Variants in DNAJC8 observed in about 807,000 individuals in gnomAD.
DNAJC8 encodes the protein dnaJ homolog subfamily C member 8.
DNAJC8 carries 24 observed loss-of-function variants against 43.2 expected under a neutral mutation model. That is an observed-to-expected ratio of 0.56 (90% CI 0.40 to 0.78). The LOEUF (loss-of-function observed/expected upper bound fraction) is 0.78, where lower values mean the gene tolerates loss of function less well. Ranked by LOEUF, DNAJC8 falls within the 30% of genes least tolerant of loss-of-function variation. The probability of loss-of-function intolerance (pLI) is 0.00; values close to 1 mark genes in which losing one functional copy is unlikely to be tolerated. For synonymous variants in DNAJC8, 83 were observed against 98.0 expected, an observed-to-expected ratio of 0.85 and a Z score of 0.90; for missense variants, 207 against 299.4, an observed-to-expected ratio of 0.69 and a Z score of 2.28.
chr1:28,208,155 G>A lies in DNAJC8; in HGVS notation c.471+187C>T, dbSNP rs184344291. 5.3e-5 allele frequency among the ~76,000 whole-genome samples: 8 copies of A among 152,260 alleles called. No individual in the cohort carries two copies. In the East Asian group the frequency reaches 1.4e-3, roughly 26 times the overall value. ...CAGGAGGCAGAGGTTGCAGTGAGCC[G>A]AGATCGCGCCATTGCCCTCCAGCCT... On this transcript the variant is annotated intron_variant, in intron 6 of 8. Transcript: ENST00000263697.
In DNAJC8 at chr1:28,208,421, G is replaced by T. The variant is rs192643083; in HGVS notation, c.400-8C>A. On this transcript the variant is annotated splice_region_variant and splice_polypyrimidine_tract_variant and intron_variant, in intron 5 of 8. Coordinates refer to ENST00000263697, the MANE Select transcript of DNAJC8 (RefSeq NM_014280.3). ...TTTTTTTCGCTCTTTCACCTAAAAA[G>T]AATTTTTTTTCATCAAAAGACGAGC... 2.4e-4 allele frequency: 376 copies of T among 1,593,216 alleles called. No individual in the cohort carries two copies. Among genetic ancestry groups the T allele is most frequent in the Non-Finnish European group, 1.3e-4 (156 of 1,166,666 alleles).
chr1:28,224,583 T>TACAAA (rs1355753974), intron 2 of DNAJC8, among the ~76,000 whole-genome samples: 7 of 150,002 alleles, frequency 4.7e-5, no homozygotes, highest in African/African-American at 1.7e-4. Context: ...GACCCCATCT[T>TACAAA]ACAAAACAAA....
At chr1:28,232,361 G>C (rs1222196687) in intron 1 of DNAJC8, among the ~76,000 whole-genome samples, 1 of 152,198 alleles carries the variant, frequency 6.6e-6, no homozygotes, top group Non-Finnish European at 1.5e-5. Flanking sequence ...CGATAGTAAA[G>C]GAGGCTCAGA....
intron 3 of DNAJC8, among the ~76,000 whole-genome samples, chr1:28,212,927 C>T (rs1646825262): frequency 6.6e-6 from 1 of 152,134 alleles, no homozygotes; most frequent in Non-Finnish European, 1.5e-5. Context: ...AAGAATGAAA[C>T]AAACAATGCA....
chr1:28,205,395 A>G (rs1646762003), intron 6 of DNAJC8, 46 bp from the exon 7 acceptor site: 1 of 1,461,338 alleles, frequency 6.8e-7, no homozygotes, highest in Non-Finnish European at 9.5e-7. Flanking sequence ...AAATATTTTT[A>G]CCAGCAACTT....
rs572083392 is a variant in DNAJC8, at chr1:28,210,791, C to T, written c.238-154G>A. Among the ~76,000 whole-genome samples the T allele has an allele frequency of 3.9e-5, 6 of 152,194 alleles. No homozygotes were observed. In the South Asian group the frequency reaches 1.0e-3, roughly 26 times the overall value. On this transcript the variant is annotated intron_variant, in intron 3 of 8. Coordinates refer to ENST00000263697, the MANE Select transcript of DNAJC8 (RefSeq NM_014280.3). The stretch of plus-strand genomic sequence containing the variant: ...AAAAATTAACAAATCTCTTTAAATG[C>T]CCAGAAATACTGATCTTTAACAAAA...
At chr1:28,229,169 T>A in intron 1 of DNAJC8, 146 bp from the exon 2 acceptor site, 1 of 673,336 alleles carries the variant, frequency 1.5e-6, no homozygotes. Context: ...TTTGAGAAAT[T>A]AAAACTACCA....
At chr1:28,207,071 A>G (rs1646773582) in intron 6 of DNAJC8, among the ~76,000 whole-genome samples, 1 of 151,800 alleles carries the variant, frequency 6.6e-6, no homozygotes, top group African/African-American at 2.4e-5. Flanking sequence ...TAATCAGGAA[A>G]AAAAAAAACA....
chr1:28,217,691 A>G (rs757965273), intron 2 of DNAJC8, among the ~76,000 whole-genome samples: 30 of 152,128 alleles, frequency 2.0e-4, no homozygotes, highest in Non-Finnish European at 2.9e-4. Flanking sequence ...CCAAAGTCCA[A>G]CAAAACCCAG....
Position 28,217,768 on chromosome 1 carries a change from G to A in DNAJC8, c.181-2772C>T, listed in dbSNP as rs182501362. Among the ~76,000 whole-genome samples the A allele has an allele frequency of 3.3e-5, 5 of 152,110 alleles. No homozygotes were observed. The East Asian group carries it at 7.7e-4, about 23-fold the overall frequency. ...CCTCACAAAAAAAGCCTCTGATGAG[G>A]TTATAGCTTACAACTAATCATGCCA... On this transcript the variant is annotated intron_variant, in intron 2 of 8. Coordinates refer to ENST00000263697, the MANE Select transcript of DNAJC8 (RefSeq NM_014280.3).
intron 3 of DNAJC8, among the ~76,000 whole-genome samples, chr1:28,210,859 G>A (rs1646805635): frequency 6.6e-6 from 1 of 152,152 alleles, no homozygotes; most frequent in Admixed American, 6.5e-5. Context: ...AAACATTTCA[G>A]GTTTTAATCA....
At chr1:28,207,273 G>T (rs1217216370) in intron 6 of DNAJC8, among the ~76,000 whole-genome samples, 2 of 151,972 alleles carry the variant, frequency 1.3e-5, no homozygotes, top group Non-Finnish European at 2.9e-5. Context: ...AGCTACTCAG[G>T]AGGCTAAGGC....
rs977004626 is a variant in DNAJC8 at position 28,200,433 on chromosome 1, C to G, written c.*815G>C. On this transcript the variant is annotated 3_prime_UTR_variant, in exon 9 of 9. Transcript: ENST00000263697. ...AAAAGCTGCTGCAGTAATTCATATT[C>G]CCATTTCATAGATGAAGAAACTAAG... 1.1e-5 allele frequency: 5 copies of G among 454,200 alleles called. No homozygotes were observed. The highest frequency in any genetic ancestry group is 2.2e-5 in the Non-Finnish European group (5 of 226,130). 28.1% of individuals were successfully genotyped at this position (454,200 alleles called of 1,614,324 possible). A position where few individuals can be genotyped will look rare whatever the true frequency, so the allele number is the denominator to read the frequency against.
At position 28,225,766 on chromosome 1, in the gene DNAJC8, A is replaced by C. The variant is rs551408145; in HGVS notation, c.180+3156T>G. 4.7e-5 allele frequency among the ~76,000 whole-genome samples: 7 copies of C among 149,068 alleles called. No homozygotes were observed. The East Asian group carries it at 1.2e-3, about 25-fold the overall frequency. ...CGCCCAGGCTGGAGTACAGTAGCAC[A>C]ATCTCGGCTCACTGCAACCTCCGCC... On this transcript the variant is annotated intron_variant, in intron 2 of 8. Transcript: ENST00000263697.
intron 5 of DNAJC8, 93 bp from the exon 6 acceptor site, chr1:28,208,506 G>A: frequency 1.4e-6 from 1 of 709,990 alleles, no homozygotes; most frequent in Non-Finnish European, 2.1e-6. Flanking sequence ...ACTTTCTATA[G>A]GCACGGGTAT....
intron 2 of DNAJC8, among the ~76,000 whole-genome samples, chr1:28,216,884 C>A (rs1465751413): frequency 1.3e-5 from 2 of 149,448 alleles, no homozygotes; most frequent in Non-Finnish European, 3.0e-5. Flanking sequence ...TCTCGGCTCA[C>A]TGCCACCTCC....
chr1:28,220,030 C>T (rs1174236213), intron 2 of DNAJC8, among the ~76,000 whole-genome samples: 6 of 152,016 alleles, frequency 3.9e-5, no homozygotes, highest in African/African-American at 7.3e-5. Context: ...TGTGGTTACA[C>T]GGAATTGTTC....
intron 6 of DNAJC8, among the ~76,000 whole-genome samples, chr1:28,206,664 T>A (rs1646770648): frequency 6.6e-6 from 1 of 152,218 alleles, no homozygotes; most frequent in Admixed American, 6.5e-5. Context: ...AGAACACAGC[T>A]TATGTTATTC....
intron 1 of DNAJC8, among the ~76,000 whole-genome samples, chr1:28,231,749 G>C (rs564178449): frequency 3.9e-5 from 6 of 152,006 alleles, no homozygotes; most frequent in African/African-American, 1.4e-4. Context: ...TCCCAGTCCA[G>C]TCAGGTTAAC....
Sources: allele counts gnomAD v4.1 joint callset (sites outside exome capture counted in the v4.1 genomes callset), GRCh38; gene constraint gnomAD v4.1.1; transcripts MANE v1.5; gene names NCBI Gene and HGNC (gene_info 2026-07-23, HGNC 2026-07-21).